SORCS2: variants seen among roughly 807,000 people sequenced by gnomAD.
The protein encoded by SORCS2 is VPS10 domain-containing receptor SorCS2.
In SORCS2, 100 loss-of-function variants were observed where a neutral mutation model predicts 141.6. The observed-to-expected ratio is 0.71, with a 90% CI of 0.60 to 0.83. The LOEUF (loss-of-function observed/expected upper bound fraction) is 0.83. SORCS2 is among the 40% of genes least tolerant of loss of function. SORCS2 has a pLI of 0.00. For missense variants in SORCS2, 1,646 were observed against 1,560.2 expected (o/e 1.05, Z -0.93); for synonymous variants, 789 against 676.9 (o/e 1.17, Z -2.57).
At chr4:7,588,239 C>T (rs1716672229) in intron 3 of SORCS2, among the ~76,000 whole-genome samples, 1 of 152,228 alleles carries the variant, frequency 6.6e-6, no homozygotes, top group African/African-American at 2.4e-5. Flanking sequence ...TCAAGTGTCA[C>T]TTTGGAGCCG....
intron 3 of SORCS2, among the ~76,000 whole-genome samples, chr4:7,535,394 C>T (rs1712035731): frequency 2.0e-5 from 3 of 152,150 alleles, no homozygotes; most frequent in Admixed American, 1.3e-4. Context: ...AGAGGCTGAC[C>T]CCCTGGCTTC....
intron 1 of SORCS2, among the ~76,000 whole-genome samples, chr4:7,239,396 G>A (rs368524958): frequency 1.2e-4 from 18 of 152,352 alleles, no homozygotes; most frequent in African/African-American, 3.6e-4. Context: ...TGGAGTCCCC[G>A]TGGCCGGGAC....
intron 9 of SORCS2, among the ~76,000 whole-genome samples, chr4:7,676,917 TCTCTCC>T (rs1560475934): frequency 0.019 from 727 of 39,048 alleles, 84 homozygotes; most frequent in African/African-American, 0.057. Context: ...CCTCTCTCCC[TCTCTCC>T]CTCTCTCCCT....
intron 1 of SORCS2, among the ~76,000 whole-genome samples, chr4:7,390,183 A>G (rs1387108657): frequency 3.3e-5 from 5 of 152,112 alleles, no homozygotes. Flanking sequence ...TTGATTTTGG[A>G]GTTGGCAATC....
Position 7,679,861 on chromosome 4 carries a change from C to A in SORCS2, c.1342-2882C>A, listed in dbSNP as rs935741375. Among the ~76,000 whole-genome samples the A allele has an allele frequency of 8.5e-5, 13 of 152,050 alleles. No individual in the cohort carries two copies. The East Asian group carries it at 2.3e-3, about 27-fold the overall frequency. On this transcript the variant is annotated intron_variant, in intron 9 of 26. Transcript: ENST00000507866. ...AAGCTGATGCTCAGCCAATCAGACC[C>A]ACCCGGGGGCCTTGGCCTATATCTG...
intron 3 of SORCS2, among the ~76,000 whole-genome samples, chr4:7,621,886 C>G (rs968625600): frequency 3.9e-5 from 6 of 152,194 alleles, no homozygotes; most frequent in African/African-American, 7.2e-5. Flanking sequence ...TGGCGAGAGC[C>G]TGCTGGTGCT....
At chr4:7,577,417 G>T (rs941430382) in intron 3 of SORCS2, among the ~76,000 whole-genome samples, 1 of 152,026 alleles carries the variant, frequency 6.6e-6, no homozygotes. Flanking sequence ...TAGTGCCATG[G>T]TTTGGAGAAG....
At chr4:7,387,973 C>G (rs910841363) in intron 1 of SORCS2, among the ~76,000 whole-genome samples, 26 of 150,824 alleles carry the variant, frequency 1.7e-4, no homozygotes, top group South Asian at 6.3e-4. Context: ...CACAGATACA[C>G]AGAGATACAC....
At chr4:7,698,538 G>C (rs1272920124) in intron 12 of SORCS2, among the ~76,000 whole-genome samples, 3 of 152,242 alleles carry the variant, frequency 2.0e-5, no homozygotes, top group Non-Finnish European at 2.9e-5. Flanking sequence ...TATTAGAGAA[G>C]ATTCCCCCGT....
intron 6 of SORCS2, among the ~76,000 whole-genome samples, chr4:7,662,192 C>T (rs1577912641): frequency 6.6e-6 from 1 of 152,066 alleles, no homozygotes; most frequent in Non-Finnish European, 1.5e-5. Context: ...CTTTCGGGGG[C>T]AGGGTCAGTT....
At position 7,243,691 on chromosome 4, in the gene SORCS2, A is replaced by C. The variant is rs115461050; in HGVS notation, c.480+50565A>C. Among the ~76,000 whole-genome samples, 1,454 of 152,354 alleles carry C rather than the reference A, an allele frequency of 9.5e-3. 26 individuals are homozygous for C. The highest frequency in any genetic ancestry group is 0.033 in the African/African-American group (1,389 of 41,582). On this transcript the variant is annotated intron_variant, in intron 1 of 26. Transcript: ENST00000507866. The stretch of plus-strand genomic sequence containing the variant: ...CAGCGGGTGGTCGTTGGCATGAATC[A>C]TGTGGTTTGCACAAACAGCAAAGGC...
At chr4:7,639,228 A>G (rs1254983272) in intron 4 of SORCS2, among the ~76,000 whole-genome samples, 1 of 152,222 alleles carries the variant, frequency 6.6e-6, no homozygotes, top group Non-Finnish European at 1.5e-5. Flanking sequence ...CTGGAGGCCC[A>G]CAGTCCAAAA....
chr4:7,527,040 G>A (rs1345564200), intron 2 of SORCS2, among the ~76,000 whole-genome samples: 5 of 152,172 alleles, frequency 3.3e-5, no homozygotes, highest in Non-Finnish European at 5.9e-5. Context: ...AGTGCTAGGC[G>A]GCCCTGCGGG....
intron 1 of SORCS2, among the ~76,000 whole-genome samples, chr4:7,227,383 G>T (rs1729052460): frequency 6.6e-6 from 1 of 152,172 alleles, no homozygotes; most frequent in Non-Finnish European, 1.5e-5. Flanking sequence ...CCGAGGCGAG[G>T]GAGCCGCTTT....
intron 3 of SORCS2, among the ~76,000 whole-genome samples, chr4:7,609,481 T>C (rs1018605758): frequency 6.6e-6 from 1 of 152,116 alleles, no homozygotes; most frequent in Non-Finnish European, 1.5e-5. Flanking sequence ...ATTCAGACCC[T>C]CCTCTGTGAC....
chr4:7,592,076 G>T (rs1203484089), intron 3 of SORCS2, among the ~76,000 whole-genome samples: 1 of 152,114 alleles, frequency 6.6e-6, no homozygotes, highest in Non-Finnish European at 1.5e-5. Flanking sequence ...AGCACCACAT[G>T]AGCCCTGAGC....
intron 1 of SORCS2, among the ~76,000 whole-genome samples, chr4:7,349,511 AGGGGGCTGGGTGAGGT>A (rs1007008121): frequency 1.3e-5 from 2 of 151,880 alleles, no homozygotes; most frequent in Admixed American, 1.3e-4. Context: ...GTCATGGGGC[AGGGGGCTGGGTGAGGT>A]GGGGGCTGGG....
At chr4:7,567,093 A>G (rs757995008) in intron 3 of SORCS2, among the ~76,000 whole-genome samples, 2 of 152,240 alleles carry the variant, frequency 1.3e-5, no homozygotes, top group Non-Finnish European at 2.9e-5. Context: ...AGTGCATTTT[A>G]AAATAGTTTA....
intron 3 of SORCS2, among the ~76,000 whole-genome samples, chr4:7,599,159 C>T (rs750725726): frequency 1.6e-5 from 2 of 121,474 alleles, no homozygotes; most frequent in African/African-American, 6.3e-5. Flanking sequence ...CCCTGCAAGA[C>T]GGCGGCCCCA....
Sources: gnomAD v4.1 joint callset for allele counts (sites outside exome capture counted in the v4.1 genomes callset) on GRCh38, gnomAD v4.1.1 for gene constraint, MANE v1.5 for transcripts, NCBI Gene and HGNC (gene_info 2026-07-23, HGNC 2026-07-21) for gene names.